The following GLI3 variants were observed in gnomAD, a reference collection of about 807,000 sequenced individuals.
GLI3 encodes the protein transcription activator GLI3.
GLI3 carries 20 observed loss-of-function variants against 100.8 expected under a neutral mutation model. That is an observed-to-expected ratio of 0.20 (90% CI 0.14 to 0.29). GLI3 has a LOEUF of 0.29. GLI3 is among the 10% of genes least tolerant of loss of function. The probability of loss-of-function intolerance (pLI) is 1.00; values close to 1 mark genes in which losing one functional copy is unlikely to be tolerated. For synonymous variants in GLI3, 938 were observed against 860.5 expected, an observed-to-expected ratio of 1.09 and a Z score of -1.58; for missense variants, 2,040 against 2,128.5, an observed-to-expected ratio of 0.96 and a Z score of 0.82.
chr7:42,014,796 T>C (rs1388714865), intron 10 of GLI3, among the ~76,000 whole-genome samples: 2 of 152,168 alleles, frequency 1.3e-5, no homozygotes, highest in African/African-American at 4.8e-5. Context: ...TTCTAGCTGC[T>C]ATGCCTGCAA....
intron 10 of GLI3, among the ~76,000 whole-genome samples, chr7:41,987,732 G>A (rs892829307): frequency 6.6e-6 from 1 of 152,160 alleles, no homozygotes; most frequent in Non-Finnish European, 1.5e-5. Context: ...TCTAATCCAT[G>A]ATATATTCTA....
intron 1 of GLI3, among the ~76,000 whole-genome samples, chr7:42,252,271 C>T (rs1336490456): frequency 6.6e-6 from 1 of 152,076 alleles, no homozygotes; most frequent in African/African-American, 2.4e-5. Context: ...TGTTCTCACT[C>T]ATAAGTGGGA....
At chr7:42,251,228 T>C (rs890872856) in intron 1 of GLI3, among the ~76,000 whole-genome samples, 3 of 152,170 alleles carry the variant, frequency 2.0e-5, no homozygotes, top group Non-Finnish European at 4.4e-5. Context: ...AGACAATTTT[T>C]CCACAGGTTG....
At chr7:42,232,839 T>TA (rs1267632486) in intron 1 of GLI3, among the ~76,000 whole-genome samples, 17 of 152,192 alleles carry the variant, frequency 1.1e-4, no homozygotes, top group African/African-American at 4.1e-4. Context: ...TAGAAGGCCA[T>TA]AGATTTTCTG....
At chr7:42,030,330 G>A (rs1789250799) in intron 7 of GLI3, among the ~76,000 whole-genome samples, 1 of 152,160 alleles carries the variant, frequency 6.6e-6, no homozygotes, top group African/African-American at 2.4e-5. Flanking sequence ...ACCTGCAAAA[G>A]TCGTTCTGGC....
intron 4 of GLI3, among the ~76,000 whole-genome samples, chr7:42,074,207 G>C (rs1386740952): frequency 6.6e-6 from 1 of 152,196 alleles, no homozygotes; most frequent in Non-Finnish European, 1.5e-5. Context: ...CTCTCCCTGT[G>C]ATCTGAAGAG....
chr7:42,040,342 G>A, intron 6 of GLI3, 103 bp from the exon 7 acceptor site: 1 of 852,476 alleles, frequency 1.2e-6, no homozygotes, highest in East Asian at 2.5e-5. Context: ...TAAGAAGCTG[G>A]CAACTTGCGG....
chr7:42,181,329 G>C (rs371243097), intron 2 of GLI3, among the ~76,000 whole-genome samples: 1 of 152,152 alleles, frequency 6.6e-6, no homozygotes, highest in Admixed American at 6.5e-5. Context: ...GGCTAGGCGC[G>C]GTGGCTCACC....
At chr7:42,136,309 G>T (rs1281662994) in intron 3 of GLI3, among the ~76,000 whole-genome samples, 2 of 152,184 alleles carry the variant, frequency 1.3e-5, no homozygotes, top group Admixed American at 1.3e-4. Flanking sequence ...AGGAATGCAC[G>T]TAGGCCTCCG....
chr7:42,009,477 GTTC>G (rs1440410441), intron 10 of GLI3, among the ~76,000 whole-genome samples: 2 of 96,970 alleles, frequency 2.1e-5, no homozygotes, highest in Non-Finnish European at 4.0e-5. Context: ...CCAGCAAATT[GTTC>G]TTTTTTTTTT....
chr7:41,969,045 G>A (rs1787301289), intron 13 of GLI3, among the ~76,000 whole-genome samples: 1 of 152,190 alleles, frequency 6.6e-6, no homozygotes, highest in South Asian at 2.1e-4. Flanking sequence ...AATATCTGGG[G>A]ATTACTATAT....
chr7:42,093,141 C>T (rs906144534), intron 3 of GLI3, among the ~76,000 whole-genome samples: 1 of 151,784 alleles, frequency 6.6e-6, no homozygotes, highest in African/African-American at 2.4e-5. Flanking sequence ...AACAGAAGGG[C>T]GCCCAGCATG....
chr7:42,137,767 CAT>C (rs1786463965), intron 3 of GLI3, among the ~76,000 whole-genome samples: 1 of 152,170 alleles, frequency 6.6e-6, no homozygotes, highest in South Asian at 2.1e-4. Flanking sequence ...TGACCGACCT[CAT>C]GTGATGGGTC....
At chr7:42,195,209 T>C (rs893828776) in intron 2 of GLI3, among the ~76,000 whole-genome samples, 2 of 152,204 alleles carry the variant, frequency 1.3e-5, no homozygotes, top group Non-Finnish European at 2.9e-5. Flanking sequence ...ACACTGTAGC[T>C]TGAGTCATAT....
At chr7:42,042,546 T>G (rs748430303) in intron 6 of GLI3, among the ~76,000 whole-genome samples, 2 of 152,190 alleles carry the variant, frequency 1.3e-5, no homozygotes, top group Non-Finnish European at 2.9e-5. Flanking sequence ...ACTGGCAAAG[T>G]TAGAAGTGAC....
intron 5 of GLI3, among the ~76,000 whole-genome samples, chr7:42,046,794 C>A (rs951298092): frequency 6.6e-6 from 1 of 152,176 alleles, no homozygotes; most frequent in African/African-American, 2.4e-5. Context: ...AGATGATTCT[C>A]CAGTTCTTCA....
At chr7:42,191,832 G>A (rs557025136) in intron 2 of GLI3, among the ~76,000 whole-genome samples, 13 of 152,082 alleles carry the variant, frequency 8.5e-5, no homozygotes, top group African/African-American at 2.2e-4. Context: ...TATCCTGCCC[G>A]AAGTCTCACT....
intron 1 of GLI3, among the ~76,000 whole-genome samples, chr7:42,246,631 AC>A (rs899425468): frequency 4.6e-5 from 7 of 151,948 alleles, no homozygotes; most frequent in Non-Finnish European, 1.0e-4. Context: ...ACAAAACAAA[AC>A]AAAACAAAAC....
intron 10 of GLI3, among the ~76,000 whole-genome samples, chr7:42,013,287 T>G (rs960557116): frequency 1.3e-5 from 2 of 152,116 alleles, no homozygotes; most frequent in Non-Finnish European, 2.9e-5. Flanking sequence ...TCCAAAACAA[T>G]CCTGCCCTGA....
Sources: allele counts gnomAD v4.1 joint callset (sites outside exome capture counted in the v4.1 genomes callset), GRCh38; gene constraint gnomAD v4.1.1; transcripts MANE v1.5; gene names NCBI Gene and HGNC (gene_info 2026-07-23, HGNC 2026-07-21).